The following NEMF variants were observed in gnomAD, a reference collection of about 807,000 sequenced individuals.
The protein encoded by NEMF is nuclear export mediator factor.
In NEMF, 89 loss-of-function variants were observed where a neutral mutation model predicts 162.2. That is an observed-to-expected ratio of 0.55 (90% CI 0.46 to 0.65). NEMF has a LOEUF of 0.65. NEMF is among the 30% of genes least tolerant of loss of function. The probability of loss-of-function intolerance (pLI) is 0.00; values close to 1 mark genes in which losing one functional copy is unlikely to be tolerated. For missense variants in NEMF, 1,133 were observed against 1,261.9 expected (o/e 0.90, Z 1.55); for synonymous variants, 421 against 404.5 (o/e 1.04, Z -0.49).
chr14:49,789,266 C>T lies in NEMF; in HGVS notation c.2775G>A (p.Gln925=), dbSNP rs149383082. The T allele has an allele frequency of 1.2e-6, 2 of 1,614,160 alleles. No individual in the cohort carries two copies. Among genetic ancestry groups the T allele is most frequent in the Non-Finnish European group, 1.7e-6 (2 of 1,180,014 alleles). The change falls in exon 28 of 33, where the codon CAG becomes CAA. Residue 925 remains glutamine (Q), a synonymous_variant. Transcript: ENST00000298310. ...TCTGTCCACCTCTAGGTTTCTGGGG[C>T]TGTTTCTTCACAGGTTCGTCCTTTG... The part of the protein sequence containing the change: ...GKTKDEPVKK[Q]PQKPRGGQRV...
chr14:49,797,861 T>C (rs562272307), intron 25 of NEMF, among the ~76,000 whole-genome samples: 4 of 152,322 alleles, frequency 2.6e-5, no homozygotes, highest in Non-Finnish European at 2.9e-5. Context: ...GAGAACAAAA[T>C]TGATTCCTGG....
chr14:49,784,901 T>A (rs753463440), intron 32 of NEMF, 24 bp downstream of exon 32: 1 of 1,595,320 alleles, frequency 6.3e-7, no homozygotes, highest in African/African-American at 1.3e-5. Flanking sequence ...GTCTCCACAT[T>A]CCTTTTCTGA....
intron 27 of NEMF, 64 bp downstream of exon 27, chr14:49,789,432 C>T: frequency 6.2e-7 from 1 of 1,609,002 alleles, no homozygotes. Context: ...CTGTCATACG[C>T]TAGGCAGTGG....
chr14:49,807,957 C>T (rs1320418438), intron 18 of NEMF, among the ~76,000 whole-genome samples: 2 of 151,936 alleles, frequency 1.3e-5, no homozygotes, highest in South Asian at 2.1e-4. Context: ...TACTGAGAAT[C>T]GTTTCATGTG....
intron 16 of NEMF, among the ~76,000 whole-genome samples, chr14:49,822,730 A>G (rs1038549095): frequency 3.4e-5 from 5 of 145,040 alleles, no homozygotes; most frequent in African/African-American, 1.3e-4. Context: ...TCATTTATGC[A>G]CTGCAGGGAT....
chr14:49,789,170 A>G lies in NEMF; in HGVS notation c.2871T>C (p.Ala957=), dbSNP rs764516371. The change falls in exon 28 of 33, where the codon GCT becomes GCC. Residue 957 remains alanine (A), a synonymous_variant. Coordinates refer to ENST00000298310, the MANE Select transcript of NEMF (RefSeq NM_004713.6). Reference sequence around the variant, plus strand: ...CCTTGTCATCATGTGGATCATCTACAGCAAAGTCTTGTAACTCATGAGTTA... The same window carrying G: ...CCTTGTCATCATGTGGATCATCTACGGCAAAGTCTTGTAACTCATGAGTTA... ...EVITHELQDF[A]VDDPHDDKEE... is the part of the protein sequence containing the mutation. The G allele has an allele frequency of 6.2e-7, 1 of 1,613,998 alleles. No individual in the cohort carries two copies. The highest frequency in any genetic ancestry group is 1.1e-5 in the South Asian group (1 of 90,942).
Position 49,828,731 on chromosome 14 carries a change from G to A in NEMF, c.1309C>T (p.Pro437Ser), listed in dbSNP as rs779484089. 1 of 1,596,672 alleles carries A rather than the reference G, an allele frequency of 6.3e-7. No homozygotes were observed. Among genetic ancestry groups the A allele is most frequent in the Admixed American group, 1.7e-5 (1 of 57,414 alleles). ...DVNVEKNETEPPKGKKKKQKN... is the reference protein window; with the variant it reads ...DVNVEKNETESPKGKKKKQKN... ...TGTTTTTTCTTTTTTCCTTTTGGTG[G>A]TTCAGTTTCATTTTTCTCAACATTG... is the stretch of plus-strand genomic sequence containing the variant. The change falls in exon 14 of 33, where the codon CCA becomes TCA. Residue 437 changes from proline to serine, a missense_variant. Transcript: ENST00000298310.
intron 3 of NEMF, among the ~76,000 whole-genome samples, chr14:49,849,409 C>T (rs528048617): frequency 1.3e-5 from 2 of 152,256 alleles, no homozygotes; most frequent in South Asian, 4.1e-4. Flanking sequence ...TGCTGTGTGC[C>T]ACAAAGCTAT....
intron 8 of NEMF, among the ~76,000 whole-genome samples, chr14:49,833,098 T>A (rs1416376138): frequency 6.6e-6 from 1 of 152,046 alleles, no homozygotes; most frequent in African/African-American, 2.4e-5. Flanking sequence ...AAACCTCATC[T>A]CTACTGAAAA....
At chr14:49,790,664 A>C (rs1890397236) in intron 26 of NEMF, among the ~76,000 whole-genome samples, 1 of 152,164 alleles carries the variant, frequency 6.6e-6, no homozygotes. Context: ...ACTCATATGT[A>C]TATGAACAGA....
intron 10 of NEMF, among the ~76,000 whole-genome samples, 160 bp from the exon 11 acceptor site, chr14:49,831,521 T>C (rs1208565503): frequency 1.3e-5 from 2 of 152,026 alleles, no homozygotes; most frequent in African/African-American, 2.4e-5. Flanking sequence ...CACTGCAACT[T>C]CCACCTCCGA....
intron 16 of NEMF, among the ~76,000 whole-genome samples, chr14:49,821,795 C>T (rs1892072248): frequency 6.6e-6 from 1 of 151,820 alleles, no homozygotes; most frequent in Non-Finnish European, 1.5e-5. Flanking sequence ...GCCACCACCC[C>T]GTCTGGGAGG....
intron 18 of NEMF, among the ~76,000 whole-genome samples, chr14:49,809,932 A>G (rs1452665938): frequency 6.6e-6 from 1 of 152,108 alleles, no homozygotes; most frequent in African/African-American, 2.4e-5. Context: ...TAGGTTCATT[A>G]GTTGTAACAA....
chr14:49,838,176 C>G lies in NEMF; in HGVS notation c.537G>C (p.Lys179Asn). ...TAAGCACCCTCTTCAGTAGTTCACC[C>G]TTAGGTGCGCTGGCTACTATTTCAG... The part of the protein sequence containing the change: ...RLTEIVASAP[K>N]GELLKRVLNP... The change falls in exon 6 of 33, where the codon AAG (lysine) becomes AAC (asparagine). Residue 179 changes from lysine to asparagine, a missense_variant. This residue lies in a region of NEMF where 582 missense variants were observed against 631.5 expected (regional missense o/e 0.92). Transcript: ENST00000298310. 2.5e-6 allele frequency: 4 copies of G among 1,613,970 alleles called. No homozygotes were observed. Among genetic ancestry groups the G allele is most frequent in the Non-Finnish European group, 3.4e-6 (4 of 1,179,884 alleles).
rs117553806 is a variant in NEMF at position 49,787,437 on chromosome 14, G to A, written c.2896-687C>T. ...GTGGTGGCTCATACCTGTAATCCCA[G>A]CACTTTGGGAGGCCAAGGTCGGGGG... On this transcript the variant is annotated intron_variant, in intron 28 of 32. Transcript: ENST00000298310. Among the ~76,000 whole-genome samples, 527 of 152,328 alleles carry A rather than the reference G, an allele frequency of 3.5e-3. 3 individuals carry two copies. Among genetic ancestry groups the A allele is most frequent in the Non-Finnish European group, 4.6e-3 (316 of 68,026 alleles).
chr14:49,798,649 C>T (rs1234695637), intron 25 of NEMF, among the ~76,000 whole-genome samples: 1 of 152,198 alleles, frequency 6.6e-6, no homozygotes, highest in Non-Finnish European at 1.5e-5. Context: ...TGGCTTATGC[C>T]TATAATCCCA....
rs1209078788 is a variant in NEMF at position 49,789,132 on chromosome 14, C to T, written c.2895+14G>A. On this transcript the variant is annotated intron_variant, in intron 28 of 32. Coordinates refer to ENST00000298310, the MANE Select transcript of NEMF (RefSeq NM_004713.6). ...ACCCTAATTAAGAAGCAGAAGCCCACAAAGTAGCCATACCTTGTCATCATG... is the reference window on the plus strand; with the variant it reads ...ACCCTAATTAAGAAGCAGAAGCCCATAAAGTAGCCATACCTTGTCATCATG... 6.2e-7 allele frequency: 1 copy of T among 1,609,648 alleles called. No individual in the cohort carries two copies. Among genetic ancestry groups the T allele is most frequent in the Non-Finnish European group, 8.5e-7 (1 of 1,176,834 alleles).
chr14:49,799,516 A>G lies in NEMF; in HGVS notation c.2424T>C (p.Ser808=). 6.2e-7 allele frequency: 1 copy of G among 1,612,086 alleles called. No individual in the cohort carries two copies. Among genetic ancestry groups the G allele is most frequent in the Non-Finnish European group, 8.5e-7 (1 of 1,179,506 alleles). Residue 808 remains serine (S), a synonymous_variant, in exon 25 of 33, where the codon AGT becomes AGC. Coordinates refer to ENST00000298310, the MANE Select transcript of NEMF (RefSeq NM_004713.6). The part of the protein sequence containing the change: ...SKEESSNSSD[S]KSQSRRHLSA... ...ACAAATGTCTCCGGCTCTGTGATTT[A>G]CTGTCACTCTATTAAAACAAAAAAA...
At chr14:49,826,838 TAAAG>T (rs1201863650) in intron 15 of NEMF, among the ~76,000 whole-genome samples, 1 of 151,938 alleles carries the variant, frequency 6.6e-6, no homozygotes, top group East Asian at 1.9e-4. Context: ...TAAGGCAAAA[TAAAG>T]AGAGATTCAG....
Sources: allele counts gnomAD v4.1 joint callset (sites outside exome capture counted in the v4.1 genomes callset), GRCh38; gene constraint gnomAD v4.1.1; regional missense constraint gnomAD v4.1.1; transcripts MANE v1.5; gene names NCBI Gene and HGNC (gene_info 2026-07-23, HGNC 2026-07-21).